The following BMAL1 variants were observed in gnomAD, a reference collection of about 807,000 sequenced individuals.
The protein encoded by BMAL1 is basic helix-loop-helix ARNT-like protein 1.
the BMAL1 span, among the ~76,000 whole-genome samples, chr11:13,324,185 A>T: frequency 6.6e-6 from 1 of 152,128 alleles, no homozygotes; most frequent in Non-Finnish European, 1.5e-5. Context: ...GTCTCTTGTC[A>T]GTTTGCTACA....
the BMAL1 span, among the ~76,000 whole-genome samples, chr11:13,363,916 T>C: frequency 1.3e-5 from 2 of 152,172 alleles, no homozygotes; most frequent in Non-Finnish European, 2.9e-5. Flanking sequence ...AGTTGGAATG[T>C]CCAGAGCCTC....
At chr11:13,361,481 T>G in the BMAL1 span, among the ~76,000 whole-genome samples, 1 of 152,178 alleles carries the variant, frequency 6.6e-6, no homozygotes, top group African/African-American at 2.4e-5. Context: ...CCTACCCATC[T>G]TTGAGCAGAA....
the BMAL1 span, among the ~76,000 whole-genome samples, chr11:13,304,556 C>T: frequency 6.6e-6 from 1 of 152,196 alleles, no homozygotes; most frequent in African/African-American, 2.4e-5. Context: ...TGGGCAATTC[C>T]CATTCATGAC....
chr11:13,382,684 T>C, the BMAL1 span, among the ~76,000 whole-genome samples: 1 of 152,230 alleles, frequency 6.6e-6, no homozygotes, highest in Non-Finnish European at 1.5e-5. Context: ...TTACCAAGGA[T>C]TCTACTTCTT....
chr11:13,333,715 C>T, the BMAL1 span, among the ~76,000 whole-genome samples: 1 of 152,256 alleles, frequency 6.6e-6, no homozygotes, highest in Non-Finnish European at 1.5e-5. Flanking sequence ...CATCCTGCTC[C>T]TGCTTTATGG....
At chr11:13,384,009 C>G in the BMAL1 span, among the ~76,000 whole-genome samples, 1 of 152,176 alleles carries the variant, frequency 6.6e-6, no homozygotes, top group East Asian at 1.9e-4. Flanking sequence ...ATGTTTGTCT[C>G]AAAAACTACT....
the BMAL1 span, chr11:13,375,870 G>T: frequency 9.0e-7 from 1 of 1,105,488 alleles, no homozygotes; most frequent in African/African-American, 1.6e-5. Context: ...ATCCTTTAAT[G>T]CCATCTTGCT....
chr11:13,316,440 C>G, the BMAL1 span, among the ~76,000 whole-genome samples: 1 of 152,200 alleles, frequency 6.6e-6, no homozygotes, highest in African/African-American at 2.4e-5. Flanking sequence ...GTAGATACAT[C>G]ATAGCTCTTG....
At chr11:13,346,966 C>T in the BMAL1 span, among the ~76,000 whole-genome samples, 1 of 152,168 alleles carries the variant, frequency 6.6e-6, no homozygotes, top group Non-Finnish European at 1.5e-5. Context: ...TTTCTTTTTT[C>T]TTATCTTTTG....
chr11:13,369,795 CTG>C, the BMAL1 span: 5 of 1,598,962 alleles, frequency 3.1e-6, no homozygotes, highest in Non-Finnish European at 4.3e-6. Context: ...CATTAAAACC[CTG>C]TGACAGGTGA....
chr11:13,311,042 T>C, the BMAL1 span, among the ~76,000 whole-genome samples: 1 of 151,532 alleles, frequency 6.6e-6, no homozygotes, highest in Admixed American at 6.6e-5. Context: ...GAGGCAGGAG[T>C]CAAAGAGGAT....
At chr11:13,369,833 C>T in the BMAL1 span, 1 of 1,563,452 alleles carries the variant, frequency 6.4e-7, no homozygotes, top group Non-Finnish European at 8.6e-7. Flanking sequence ...GCGGAGCTCT[C>T]AGCTGGGCGT....
At chr11:13,382,980 A>C in the BMAL1 span, among the ~76,000 whole-genome samples, 1 of 152,220 alleles carries the variant, frequency 6.6e-6, no homozygotes, top group African/African-American at 2.4e-5. Flanking sequence ...AATGGATTAT[A>C]AAATGGATCT....
At chr11:13,374,268 AC>A in the BMAL1 span, 1 of 1,424,996 alleles carries the variant, frequency 7.0e-7, no homozygotes, top group East Asian at 2.3e-5. Context: ...AGTCAACATG[AC>A]CTTCCAGGGA....
the BMAL1 span, among the ~76,000 whole-genome samples, chr11:13,313,420 A>G: frequency 1.3e-5 from 2 of 152,046 alleles, no homozygotes; most frequent in African/African-American, 4.8e-5. Flanking sequence ...CCACACTCCT[A>G]GTGGTCTGCC....
chr11:13,308,973 A>G, the BMAL1 span, among the ~76,000 whole-genome samples: 5 of 152,128 alleles, frequency 3.3e-5, no homozygotes, highest in Non-Finnish European at 7.4e-5. Flanking sequence ...ATTTTTGCAG[A>G]TGAAAAGAGT....
At chr11:13,317,206 G>A in the BMAL1 span, among the ~76,000 whole-genome samples, 1 of 152,140 alleles carries the variant, frequency 6.6e-6, no homozygotes, top group African/African-American at 2.4e-5. Flanking sequence ...TAAAATGCAG[G>A]CTGTGATGAA....
the BMAL1 span, among the ~76,000 whole-genome samples, chr11:13,303,908 G>A: frequency 7.9e-5 from 12 of 152,298 alleles, no homozygotes; most frequent in African/African-American, 2.9e-4. Flanking sequence ...GTTGCAGCGA[G>A]TGAGGTGAAG....
chr11:13,332,422 A>C, the BMAL1 span, among the ~76,000 whole-genome samples: 2 of 152,202 alleles, frequency 1.3e-5, no homozygotes, highest in Admixed American at 6.5e-5. Flanking sequence ...CAGAGTTGAG[A>C]ACATATAAAT....
Sources: allele counts gnomAD v4.1 joint callset (sites outside exome capture counted in the v4.1 genomes callset), GRCh38; gene constraint gnomAD v4.1.1; transcripts MANE v1.5; gene names NCBI Gene and HGNC (gene_info 2026-07-23, HGNC 2026-07-21).